The following GAD2 variants were observed in gnomAD, a reference collection of about 807,000 sequenced individuals.
The protein encoded by GAD2 is glutamate decarboxylase 2, also known as 65 kDa glutamic acid decarboxylase.
Under a neutral mutation model 80.1 loss-of-function variants are expected in GAD2, and 22 were observed. That is an observed-to-expected ratio of 0.27 (90% CI 0.20 to 0.39). The LOEUF is 0.39. Among genes scored for constraint, GAD2 ranks in the 10% least tolerant of loss-of-function variants. The probability of loss-of-function intolerance (pLI) is 1.00; values close to 1 mark genes in which losing one functional copy is unlikely to be tolerated. For missense variants in GAD2, 624 were observed against 738.4 expected (o/e 0.85, Z 1.80); for synonymous variants, 274 against 256.9 (o/e 1.07, Z -0.64).
chr10:26,281,885 T>C (rs1221254106), intron 12 of GAD2, among the ~76,000 whole-genome samples: 1 of 152,142 alleles, frequency 6.6e-6, no homozygotes, highest in East Asian at 1.9e-4. Flanking sequence ...AATTTTATCT[T>C]CTTAGCATTA....
At chr10:26,299,913 A>T (rs1236642232) in intron 15 of GAD2, among the ~76,000 whole-genome samples, 2 of 152,174 alleles carry the variant, frequency 1.3e-5, no homozygotes, top group Non-Finnish European at 2.9e-5. Context: ...AAGCACAGAG[A>T]ACAAGTATGA....
Position 26,289,853 on chromosome 10 carries a change from C to T in GAD2, c.1387-2612C>T, listed in dbSNP as rs191686965. Reference sequence around the variant, plus strand: ...TGTTGCCCAGGCTGGAGTGCAGTGGCGTGATCTCAGCTCACTGCAGCCTCC... The same window carrying T: ...TGTTGCCCAGGCTGGAGTGCAGTGGTGTGATCTCAGCTCACTGCAGCCTCC... On this transcript the variant is annotated intron_variant, in intron 13 of 15. Transcript: ENST00000376261. Among the ~76,000 whole-genome samples the T allele has an allele frequency of 9.3e-4, 133 of 143,256 alleles. 2 individuals are homozygous for T. Among genetic ancestry groups the T allele is most frequent in the Admixed American group, 4.8e-3 (68 of 14,114 alleles). The allele number at this position is 143,256 out of a possible 152,430, so 94.0% of individuals were successfully genotyped here. A position where few individuals can be genotyped will look rare whatever the true frequency, so the allele number is the denominator to read the frequency against.
chr10:26,292,765 T>G (rs1834230691), intron 14 of GAD2, 137 bp from the exon 15 acceptor site: 1 of 866,444 alleles, frequency 1.2e-6, no homozygotes, highest in South Asian at 1.5e-5. Flanking sequence ...GTCAAAATCA[T>G]GCCCTCCAAT....
At chr10:26,218,086 G>C in intron 3 of GAD2, 95 bp downstream of exon 3, 1 of 1,329,966 alleles carries the variant, frequency 7.5e-7, no homozygotes, top group South Asian at 1.5e-5. Context: ...AGCCGGACAG[G>C]GGCGTCGAGG....
At position 26,229,702 on chromosome 10, in the gene GAD2, C is replaced by T; in HGVS notation, c.765C>T (p.Arg255=). 6.2e-7 allele frequency: 1 copy of T among 1,614,150 alleles called. No homozygotes were observed. Among genetic ancestry groups the T allele is most frequent in the Non-Finnish European group, 8.5e-7 (1 of 1,180,018 alleles). The change falls in exon 7 of 16, where the codon CGC becomes CGT. Residue 255 remains arginine, a synonymous_variant. Transcript: ENST00000376261. ...ISNMYAMMIA[R]FKMFPEVKEK... ...ACATGTATGCCATGATGATCGCACG[C>T]TTTAAGATGTTCCCAGAAGTCAAGG...
At chr10:26,297,784 G>A (rs918613879) in intron 15 of GAD2, among the ~76,000 whole-genome samples, 1 of 152,164 alleles carries the variant, frequency 6.6e-6, no homozygotes, top group Admixed American at 6.5e-5. Flanking sequence ...GAGAGGAAGG[G>A]CAGGTTGGGT....
At chr10:26,300,009 T>C (rs932307665) in intron 15 of GAD2, among the ~76,000 whole-genome samples, 1 of 152,094 alleles carries the variant, frequency 6.6e-6, no homozygotes, top group Non-Finnish European at 1.5e-5. Flanking sequence ...CTTGTCAGAG[T>C]TGAAGATTCA....
chr10:26,286,634 T>C lies in GAD2; in HGVS notation c.1386+140T>C, dbSNP rs570153779. ...TGCTTTCTTTAAACTTGCGTCTAAA[T>C]ACCTTCATTTGACATGAGGAAAAAT... On this transcript the variant is annotated intron_variant, in intron 13 of 15. Coordinates refer to ENST00000376261, the MANE Select transcript of GAD2 (RefSeq NM_001134366.2). The C allele has an allele frequency of 5.8e-5, 44 of 762,246 alleles. 1 individual carries two copies. The South Asian group carries it at 8.3e-4, about 14-fold the overall frequency. The allele number at this position is 762,246 out of a possible 1,614,324, so 47.2% of individuals were successfully genotyped here.
chr10:26,272,930 A>C (rs577475317), intron 10 of GAD2, among the ~76,000 whole-genome samples: 2 of 152,248 alleles, frequency 1.3e-5, no homozygotes, highest in Non-Finnish European at 2.9e-5. Flanking sequence ...TGATTATATC[A>C]TAAAAGAATT....
intron 8 of GAD2, among the ~76,000 whole-genome samples, chr10:26,260,105 A>G (rs1280232554): frequency 1.3e-5 from 2 of 152,196 alleles, no homozygotes; most frequent in African/African-American, 4.8e-5. Flanking sequence ...ATAAGTATTT[A>G]CTGATTAGAA....
chr10:26,281,373 G>A (rs1453068419), intron 12 of GAD2, among the ~76,000 whole-genome samples: 1 of 152,066 alleles, frequency 6.6e-6, no homozygotes, highest in Non-Finnish European at 1.5e-5. Context: ...CTCCAATCCA[G>A]AGACCCTCTA....
intron 3 of GAD2, among the ~76,000 whole-genome samples, chr10:26,218,569 A>T (rs1844413826): frequency 6.6e-6 from 1 of 151,410 alleles, no homozygotes; most frequent in African/African-American, 2.4e-5. Flanking sequence ...ACACACACAC[A>T]CACACACACA....
At chr10:26,282,823 G>A (rs1181697029) in intron 12 of GAD2, among the ~76,000 whole-genome samples, 1 of 152,096 alleles carries the variant, frequency 6.6e-6, no homozygotes, top group Admixed American at 6.6e-5. Context: ...GTCTTCATCA[G>A]TAATAAAAAT....
intron 11 of GAD2, among the ~76,000 whole-genome samples, chr10:26,277,945 T>C (rs1845230233): frequency 6.6e-6 from 1 of 151,910 alleles, no homozygotes; most frequent in Non-Finnish European, 1.5e-5. Context: ...AGAAGCCGCA[T>C]GACCGAATCC....
chr10:26,266,525 C>A (rs534290876), intron 8 of GAD2, among the ~76,000 whole-genome samples: 1 of 152,304 alleles, frequency 6.6e-6, no homozygotes, highest in East Asian at 1.9e-4. Context: ...CATATTCCTC[C>A]AACAAATGTT....
intron 13 of GAD2, among the ~76,000 whole-genome samples, chr10:26,288,425 C>T (rs1182301245): frequency 2.0e-5 from 3 of 152,176 alleles, no homozygotes; most frequent in Non-Finnish European, 2.9e-5. Flanking sequence ...CCCCCTTCCT[C>T]TTTTGAAAAT....
intron 15 of GAD2, among the ~76,000 whole-genome samples, chr10:26,293,841 T>G (rs984697927): frequency 4.6e-5 from 7 of 152,206 alleles, no homozygotes; most frequent in Non-Finnish European, 8.8e-5. Context: ...GTTAGGTCAC[T>G]TAAAGCCTCA....
chr10:26,259,513 A>G (rs1014852219), intron 8 of GAD2, among the ~76,000 whole-genome samples: 7 of 151,748 alleles, frequency 4.6e-5, no homozygotes, highest in African/African-American at 1.7e-4. Flanking sequence ...GGACATTTGT[A>G]TACTGTTTTT....
chr10:26,292,301 T>C (rs1019093486), intron 13 of GAD2, among the ~76,000 whole-genome samples, 164 bp from the exon 14 acceptor site: 1 of 151,978 alleles, frequency 6.6e-6, no homozygotes, highest in African/African-American at 2.4e-5. Flanking sequence ...GGGGAGAGCA[T>C]TGAAGAGAAA....
Sources: allele counts gnomAD v4.1 joint callset (sites outside exome capture counted in the v4.1 genomes callset), GRCh38; gene constraint gnomAD v4.1.1; transcripts MANE v1.5; gene names NCBI Gene and HGNC (gene_info 2026-07-23, HGNC 2026-07-21).